Variants in EXOC6B observed in about 807,000 individuals in gnomAD.
EXOC6B encodes the protein SEC15 homolog B.
Under a neutral mutation model 113.5 loss-of-function variants are expected in EXOC6B, and 54 were observed. The ratio of observed to expected loss-of-function variants is 0.48; its 90% CI spans 0.38 to 0.60. The LOEUF is 0.60. Among genes scored for constraint, EXOC6B ranks in the 20% least tolerant of loss-of-function variants. The pLI is 0.00. For synonymous variants in EXOC6B, 357 were observed against 339.0 expected (o/e 1.05, Z -0.58); for missense variants, 797 against 977.5 (o/e 0.82, Z 2.46).
At chr2:72,379,677 G>A in intron 19 of EXOC6B, 52 bp downstream of exon 19, 1 of 1,539,722 alleles carries the variant, frequency 6.5e-7, no homozygotes, top group Non-Finnish European at 8.8e-7. Context: ...TCCCCTGACA[G>A]AAATGAGTTT....
intron 20 of EXOC6B, among the ~76,000 whole-genome samples, chr2:72,232,564 A>C (rs1681694379): frequency 6.6e-6 from 1 of 152,208 alleles, no homozygotes; most frequent in South Asian, 2.1e-4. Context: ...AAACAATCTA[A>C]ATGCTTAACC....
At chr2:72,182,608 T>C (rs1004491712) in intron 21 of EXOC6B, among the ~76,000 whole-genome samples, 24 of 151,808 alleles carry the variant, frequency 1.6e-4, no homozygotes, top group African/African-American at 5.8e-4. Flanking sequence ...GAGTATTGAG[T>C]GTGCCAAGAA....
intron 1 of EXOC6B, among the ~76,000 whole-genome samples, chr2:72,795,158 AGAG>A (rs1324844125): frequency 6.6e-6 from 1 of 152,182 alleles, no homozygotes; most frequent in Non-Finnish European, 1.5e-5. Context: ...AGATAGAATT[AGAG>A]GAGAAGAGAG....
chr2:72,512,670 A>C (rs2105669102), intron 11 of EXOC6B, among the ~76,000 whole-genome samples: 1 of 152,126 alleles, frequency 6.6e-6, no homozygotes, highest in Admixed American at 6.5e-5. Flanking sequence ...AAAATGGTAT[A>C]GTGGCTAAGA....
chr2:72,401,585 A>G (rs1224776003), intron 18 of EXOC6B, among the ~76,000 whole-genome samples: 3 of 23,378 alleles, frequency 1.3e-4, no homozygotes, highest in African/African-American at 3.4e-4. Context: ...ATATATACAT[A>G]TATATATATA....
chr2:72,242,928 T>A (rs1682411421), intron 20 of EXOC6B, among the ~76,000 whole-genome samples: 1 of 152,050 alleles, frequency 6.6e-6, no homozygotes, highest in Non-Finnish European at 1.5e-5. Context: ...AGAGATGGGG[T>A]CTCACTGTGT....
intron 6 of EXOC6B, among the ~76,000 whole-genome samples, chr2:72,636,902 T>C (rs943953301): frequency 2.6e-5 from 4 of 151,818 alleles, no homozygotes; most frequent in African/African-American, 9.7e-5. Flanking sequence ...TATGATAACC[T>C]ATGTAGATTA....
intron 20 of EXOC6B, among the ~76,000 whole-genome samples, chr2:72,231,262 A>G (rs1449670230): frequency 6.6e-6 from 1 of 152,190 alleles, no homozygotes; most frequent in Non-Finnish European, 1.5e-5. Context: ...ATTAGTCAAC[A>G]AGAGTGCTGG....
intron 1 of EXOC6B, among the ~76,000 whole-genome samples, chr2:72,789,709 A>T (rs1559003842): frequency 6.6e-6 from 1 of 152,208 alleles, no homozygotes; most frequent in Non-Finnish European, 1.5e-5. Context: ...CAGCTATATA[A>T]TAAAAAACCA....
rs1046080631 is a variant in EXOC6B at position 72,352,253 on chromosome 2, C to T, written c.2123-17233G>A. 2.4e-4 allele frequency among the ~76,000 whole-genome samples: 36 copies of T among 152,146 alleles called. 1 individual carries two copies. The highest frequency in any genetic ancestry group is 1.5e-5 in the Non-Finnish European group (1 of 68,024). ...GTACATTATCCCACTAGTGACCCTA[C>T]CATACCACCTGCTCCTTCCAGAAAA... is the stretch of plus-strand genomic sequence containing the variant. On this transcript the variant is annotated intron_variant, in intron 19 of 21. Coordinates refer to ENST00000272427, the MANE Select transcript of EXOC6B (RefSeq NM_015189.3).
In EXOC6B at chr2:72,639,755, A is replaced by C. The variant is rs113145695; in HGVS notation, c.670-64087T>G. Among the ~76,000 whole-genome samples, 22 of 152,334 alleles carry C rather than the reference A, an allele frequency of 1.4e-4. 2 individuals carry two copies. Among genetic ancestry groups the C allele is most frequent in the African/African-American group, 4.6e-4 (19 of 41,578 alleles). ...TACATAGTCCAGGAGTTGGGAGCTA[A>C]GTGTTGGCCCCCTAAAATCTTCCAG... On this transcript the variant is annotated intron_variant, in intron 6 of 21. Coordinates refer to ENST00000272427, the MANE Select transcript of EXOC6B (RefSeq NM_015189.3).
At chr2:72,675,033 C>T (rs1676189078) in intron 6 of EXOC6B, among the ~76,000 whole-genome samples, 1 of 152,182 alleles carries the variant, frequency 6.6e-6, no homozygotes, top group Admixed American at 6.5e-5. Context: ...CATAAACCCT[C>T]CACAAAATCG....
At chr2:72,663,090 T>C (rs1053003714) in intron 6 of EXOC6B, among the ~76,000 whole-genome samples, 3 of 152,154 alleles carry the variant, frequency 2.0e-5, no homozygotes, top group Admixed American at 6.6e-5. Flanking sequence ...GTATTTACCA[T>C]AGATAAATAG....
At chr2:72,376,754 C>T (rs928395996) in intron 19 of EXOC6B, among the ~76,000 whole-genome samples, 3 of 152,084 alleles carry the variant, frequency 2.0e-5, no homozygotes, top group Non-Finnish European at 4.4e-5. Flanking sequence ...TCTATCTTTT[C>T]TTCTTTTATG....
intron 1 of EXOC6B, among the ~76,000 whole-genome samples, chr2:72,770,896 A>T (rs990415102): frequency 1.8e-4 from 27 of 152,162 alleles, no homozygotes; most frequent in Non-Finnish European, 3.4e-4. Context: ...ATTCAAAGAA[A>T]AAAAGGAAGC....
chr2:72,499,995 G>C (rs144820745), intron 11 of EXOC6B, 23 bp from the exon 12 acceptor site: 35,431 of 1,447,708 alleles, frequency 0.024, 505 homozygotes, highest in Non-Finnish European at 0.028. Flanking sequence ...AAAGACAAAG[G>C]AGGAAAAACA....
At chr2:72,400,341 G>T (rs915388768) in intron 18 of EXOC6B, among the ~76,000 whole-genome samples, 1 of 151,924 alleles carries the variant, frequency 6.6e-6, no homozygotes, top group Non-Finnish European at 1.5e-5. Context: ...AAAACAAATT[G>T]TAAGAAAAAC....
At chr2:72,569,030 AAAAGATC>A (rs1704364361) in intron 7 of EXOC6B, among the ~76,000 whole-genome samples, 1 of 152,110 alleles carries the variant, frequency 6.6e-6, no homozygotes, top group Non-Finnish European at 1.5e-5. Flanking sequence ...GGATAGACCT[AAAAGATC>A]AAAGACTGGG....
rs574469014 is a variant in EXOC6B, at chr2:72,605,647, C to T, written c.670-29979G>A. Among the ~76,000 whole-genome samples the T allele has an allele frequency of 2.5e-4, 38 of 152,226 alleles. No homozygotes were observed. In the South Asian group the frequency reaches 3.7e-3, roughly 15 times the overall value. On this transcript the variant is annotated intron_variant, in intron 6 of 21. Transcript: ENST00000272427. ...TAGGAAGAATCACCCCAGTGGCATT[C>T]CAGGAAAAATAACACTAGCACATGT...
Sources: allele counts gnomAD v4.1 joint callset (sites outside exome capture counted in the v4.1 genomes callset), GRCh38; gene constraint gnomAD v4.1.1; transcripts MANE v1.5; gene names NCBI Gene and HGNC (gene_info 2026-07-23, HGNC 2026-07-21).